BACH1: variants seen among roughly 807,000 people sequenced by gnomAD.
The protein encoded by BACH1 is transcription regulator protein BACH1.
In BACH1, 35 loss-of-function variants were observed where a neutral mutation model predicts 52.9. The observed-to-expected ratio is 0.66, with a 90% CI of 0.51 to 0.88. BACH1 has a LOEUF of 0.88. Among genes scored for constraint, BACH1 ranks in the 40% least tolerant of loss-of-function variants. The pLI is 0.00. For missense variants in BACH1, 808 were observed against 872.6 expected (o/e 0.93, Z 0.93); for synonymous variants, 321 against 319.6 (o/e 1.00, Z -0.05).
At chr21:29,305,745 A>G (rs574237230) in intron 1 of BACH1, among the ~76,000 whole-genome samples, 15 of 152,314 alleles carry the variant, frequency 9.8e-5, no homozygotes, top group African/African-American at 2.6e-4. Context: ...CCCAACTCAC[A>G]TGAACGCATA....
chr21:29,309,248 ACT>A (rs1218929774), intron 1 of BACH1, among the ~76,000 whole-genome samples: 1 of 141,024 alleles, frequency 7.1e-6, no homozygotes, highest in Non-Finnish European at 1.5e-5. Flanking sequence ...ACAGAGTGAG[ACT>A]CTGTCTCAAA....
At chr21:29,340,002 G>A (rs1175060651) in intron 4 of BACH1, among the ~76,000 whole-genome samples, 1 of 152,110 alleles carries the variant, frequency 6.6e-6, no homozygotes, top group Non-Finnish European at 1.5e-5. Context: ...TCCTTTTTAA[G>A]AAATAGCTCT....
chr21:29,322,026 A>C lies in BACH1; in HGVS notation c.234+512A>C, dbSNP rs1462222605. On this transcript the variant is annotated intron_variant, in intron 2 of 4. Transcript: ENST00000286800. ...TGGAAGACGAAGGAAAAGCAAAGGG[A>C]CTTACGTGGTGGTGGGCAAGAGAGA... 3.3e-5 allele frequency among the ~76,000 whole-genome samples: 5 copies of C among 152,098 alleles called. No homozygotes were observed. The East Asian group carries it at 9.6e-4, about 29-fold the overall frequency.
At chr21:29,337,793 G>C (rs1157460948) in intron 4 of BACH1, among the ~76,000 whole-genome samples, 3 of 152,138 alleles carry the variant, frequency 2.0e-5, no homozygotes, top group African/African-American at 7.2e-5. Context: ...GGCCAACATG[G>C]TGGTGCAAAC....
At chr21:29,328,772 T>C (rs958127911) in intron 3 of BACH1, among the ~76,000 whole-genome samples, 1 of 152,196 alleles carries the variant, frequency 6.6e-6, no homozygotes, top group African/African-American at 2.4e-5. Flanking sequence ...CTGTTCTGTC[T>C]ACTTCGTATA....
At chr21:29,329,386 A>G in intron 3 of BACH1, 101 bp from the exon 4 acceptor site, 3 of 973,256 alleles carry the variant, frequency 3.1e-6, no homozygotes, top group Non-Finnish European at 4.3e-6. Context: ...TTAATGTAAA[A>G]TAAGTTCTCT....
intron 4 of BACH1, among the ~76,000 whole-genome samples, chr21:29,337,455 A>G (rs2123468220): frequency 6.6e-6 from 1 of 152,344 alleles, no homozygotes; most frequent in East Asian, 1.9e-4. Context: ...CAAATTTAGC[A>G]GTATAGAGCT....
rs2089135961 is a variant in BACH1 at position 29,343,274 on chromosome 21, C to T, written c.*441C>T. 6.4e-6 allele frequency: 1 copy of T among 155,676 alleles called. No homozygotes were observed. Among genetic ancestry groups the T allele is most frequent in the Admixed American group, 6.2e-5 (1 of 16,162 alleles). 9.6% of individuals were successfully genotyped at this position (155,676 alleles called of 1,614,324 possible). A position where few individuals can be genotyped will look rare whatever the true frequency, so the allele number is the denominator to read the frequency against. On this transcript the variant is annotated 3_prime_UTR_variant, in exon 5 of 5. Transcript: ENST00000286800. ...TTTAGTTTGAAAGAAAATTTCTTCC[C>T]AAGCAATGCTAATAGAGTTCTATTC...
At chr21:29,349,504 C>T (rs956370505), downstream of BACH1, among the ~76,000 whole-genome samples, 11 of 152,154 alleles carry the variant, frequency 7.2e-5, no homozygotes, top group Admixed American at 2.0e-4. Flanking sequence ...GGCCCACCGG[C>T]GGCTGCTGCC....
At position 29,327,261 on chromosome 21, in the gene BACH1, A is replaced by C. The variant is rs902242107; in HGVS notation, c.1437A>C (p.Gly479=). Reference sequence around the variant, plus strand: ...GCTGTTCAAGCAATTTGGAAATTGGAAACGATGATTATGTTTCAGAACCCC... The same window carrying C: ...GCTGTTCAAGCAATTTGGAAATTGGCAACGATGATTATGTTTCAGAACCCC... ...TEGCSSNLEI[G]NDDYVSEPQQ... is the part of the protein sequence containing the mutation. Residue 479 remains glycine, a synonymous_variant, in exon 3 of 5, where the codon GGA becomes GGC. Coordinates refer to ENST00000286800, the MANE Select transcript of BACH1 (RefSeq NM_001186.4). 2.5e-6 allele frequency: 4 copies of C among 1,614,226 alleles called. No homozygotes were observed. The highest frequency in any genetic ancestry group is 3.4e-6 in the Non-Finnish European group (4 of 1,180,046).
chr21:29,341,320 G>T (rs1348485641), intron 4 of BACH1, among the ~76,000 whole-genome samples: 2 of 152,162 alleles, frequency 1.3e-5, no homozygotes, highest in East Asian at 3.9e-4. Context: ...TGAACAGAAA[G>T]CAAACAGAAC....
chr21:29,309,436 C>T (rs1346919413), intron 1 of BACH1, among the ~76,000 whole-genome samples: 1 of 152,104 alleles, frequency 6.6e-6, no homozygotes, highest in African/African-American at 2.4e-5. Context: ...ACCTATTCTT[C>T]CCCCACATAC....
intron 4 of BACH1, among the ~76,000 whole-genome samples, chr21:29,332,521 GT>G (rs1404458782): frequency 6.6e-6 from 1 of 152,196 alleles, no homozygotes; most frequent in Non-Finnish European, 1.5e-5. Context: ...GAATGAATTT[GT>G]TGTAGGGAGA....
Position 29,326,838 on chromosome 21 carries a change from TG to T in BACH1, c.1016del (p.Gly339ValfsTer8). The T allele has an allele frequency of 6.2e-7, 1 of 1,614,190 alleles. No homozygotes were observed. Among genetic ancestry groups the T allele is most frequent in the Non-Finnish European group, 8.5e-7 (1 of 1,180,022 alleles). ...ACCAATATGGTGACTTGAATTTTGC[TG>T]GTATGCAAAACACAACAGTGTTAAC... ...YDQYGDLNFAGMQNTTVLTEK... is the reference protein window; with the variant it reads ...YDQYGDLNFAXMQNTTVLTEK... On this transcript the variant is annotated frameshift_variant, in exon 3 of 5. Coordinates refer to ENST00000286800, the MANE Select transcript of BACH1 (RefSeq NM_001186.4). LOFTEE classifies it high-confidence loss of function.
intron 2 of BACH1, among the ~76,000 whole-genome samples, chr21:29,321,859 C>T (rs1350990161): frequency 2.0e-5 from 3 of 151,876 alleles, no homozygotes; most frequent in Non-Finnish European, 4.4e-5. Context: ...GGGCCCTTTC[C>T]AGTGATCAGC....
intron 4 of BACH1, among the ~76,000 whole-genome samples, chr21:29,334,628 AT>A (rs914093445): frequency 6.6e-6 from 1 of 152,182 alleles, no homozygotes; most frequent in Non-Finnish European, 1.5e-5. Flanking sequence ...ACCAAAATGT[AT>A]TTCTTTTAGA....
chr21:29,326,288 T>G lies in BACH1; in HGVS notation c.464T>G (p.Leu155Arg). Residue 155 changes from leucine (L) to arginine (R), a missense_variant, in exon 3 of 5, where the codon CTT becomes CGT. Transcript: ENST00000286800. Reference protein sequence around the residue: ...CFSSHCQKTDLKLSLLDQRDL... With the variant: ...CFSSHCQKTDRKLSLLDQRDL... Reference sequence around the variant, plus strand: ...TCATCACACTGTCAGAAAACAGACCTTAAACTTTCACTTTTGGACCAGAGG... The same window carrying G: ...TCATCACACTGTCAGAAAACAGACCGTAAACTTTCACTTTTGGACCAGAGG... 6.2e-7 allele frequency: 1 copy of G among 1,614,174 alleles called. No homozygotes were observed. Among genetic ancestry groups the G allele is most frequent in the Non-Finnish European group, 8.5e-7 (1 of 1,180,034 alleles).
Position 29,321,439 on chromosome 21 carries a change from G to A in BACH1, c.159G>A (p.Ala53=), listed in dbSNP as rs144648011. ...TCCGCGCTCACCGGTCCGTGCTGGC[G>A]GCATGCAGCAGTTACTTCCACTCAA... ...QRFRAHRSVL[A]ACSSYFHSRI... The change falls in exon 2 of 5, where the codon GCG becomes GCA. Residue 53 remains alanine (A), a synonymous_variant. Transcript: ENST00000286800. 1.4e-5 allele frequency: 22 copies of A among 1,614,038 alleles called. No individual in the cohort carries two copies. The highest frequency in any genetic ancestry group is 1.7e-5 in the Non-Finnish European group (20 of 1,180,044).
intron 2 of BACH1, among the ~76,000 whole-genome samples, chr21:29,322,573 A>G (rs2088861161): frequency 6.6e-6 from 1 of 152,222 alleles, no homozygotes; most frequent in Admixed American, 6.5e-5. Context: ...CTAGCAGAGT[A>G]TCAAGGCTGT....
Sources: gnomAD v4.1 joint callset for allele counts (sites outside exome capture counted in the v4.1 genomes callset) on GRCh38, gnomAD v4.1.1 for gene constraint, MANE v1.5 for transcripts, NCBI Gene and HGNC (gene_info 2026-07-23, HGNC 2026-07-21) for gene names.